Variants in RGS3 observed in about 807,000 individuals in gnomAD.
The protein encoded by RGS3 is regulator of G-protein signalling 3.
In RGS3, 80 loss-of-function variants were observed where a neutral mutation model predicts 132.6. The observed-to-expected ratio is 0.60, with a 90% CI of 0.50 to 0.73. The LOEUF (loss-of-function observed/expected upper bound fraction) is 0.73. Among genes scored for constraint, RGS3 ranks in the 30% least tolerant of loss-of-function variants. The probability of loss-of-function intolerance (pLI) is 0.00; values close to 1 mark genes in which losing one functional copy is unlikely to be tolerated. For synonymous variants in RGS3, 598 were observed against 620.6 expected, an observed-to-expected ratio of 0.96 and a Z score of 0.54; for missense variants, 1,382 against 1,530.8, an observed-to-expected ratio of 0.90 and a Z score of 1.62.
At position 113,583,447 on chromosome 9, in the gene RGS3, C is replaced by T. The variant is rs373527667; in HGVS notation, c.2038-3C>T. The T allele has an allele frequency of 2.0e-5, 32 of 1,613,802 alleles. No individual in the cohort carries two copies. The African/African-American group carries it at 4.0e-4, about 20-fold the overall frequency. On this transcript the variant is annotated splice_region_variant and splice_polypyrimidine_tract_variant and intron_variant, in intron 19 of 24. Coordinates refer to ENST00000350696, the Ensembl canonical transcript of RGS3. Reference sequence around the variant, plus strand: ...CTGTTCTTGTTTTCTTTTTGTTTCCCAGATGTTTGAGACGGAGGCAGATGA... The same window carrying T: ...CTGTTCTTGTTTTCTTTTTGTTTCCTAGATGTTTGAGACGGAGGCAGATGA...
chr9:113,480,242 C>T (rs7867203), intron 4 of RGS3, among the ~76,000 whole-genome samples: 7 of 151,834 alleles, frequency 4.6e-5, no homozygotes, highest in South Asian at 2.1e-4. Context: ...GCAGATCACG[C>T]GGTCAGGAGT....
In RGS3 at chr9:113,593,788, A is replaced by G. The variant is rs949022156; in HGVS notation, c.3081-642A>G. ...TGCCTCCTTGGGGACCGGCAAGGCT[A>G]AAAATGGTTCTTGGCTAAAAATAGC... is the stretch of plus-strand genomic sequence containing the variant. On this transcript the variant is annotated intron_variant, in intron 21 of 24. Coordinates refer to ENST00000350696, the Ensembl canonical transcript of RGS3. 9.2e-6 allele frequency: 8 copies of G among 868,204 alleles called. No individual in the cohort carries two copies. The Admixed American group carries it at 1.5e-4, about 16-fold the overall frequency. 53.8% of individuals were successfully genotyped at this position (868,204 alleles called of 1,614,324 possible). A position where few individuals can be genotyped will look rare whatever the true frequency, so the allele number is the denominator to read the frequency against.
At chr9:113,481,228 T>G (rs556793281) in intron 4 of RGS3, among the ~76,000 whole-genome samples, 1 of 152,332 alleles carries the variant, frequency 6.6e-6, no homozygotes, top group South Asian at 2.1e-4. Flanking sequence ...GTTTATTGCT[T>G]TCTCCTTTGT....
exon 16 of RGS3, chr9:113,517,613 A>G: frequency 6.2e-7 from 1 of 1,613,416 alleles, no homozygotes; most frequent in Non-Finnish European, 8.5e-7. Flanking sequence ...AGGGAGGAAC[A>G]AGGCTGCCGA....
rs1351946796 is a variant in RGS3, at chr9:113,591,122, C to G, written c.3016-211C>G. 2.6e-5 allele frequency among the ~76,000 whole-genome samples: 4 copies of G among 152,186 alleles called. No homozygotes were observed. The highest frequency in any genetic ancestry group is 4.4e-5 in the Non-Finnish European group (3 of 68,024). Reference sequence around the variant, plus strand: ...GACCTGACTGTCCCAGGAGGAGATCCCTGTGGCCGGAGAGTCTGCCAGGCC... The same window carrying G: ...GACCTGACTGTCCCAGGAGGAGATCGCTGTGGCCGGAGAGTCTGCCAGGCC... On this transcript the variant is annotated intron_variant, in intron 20 of 24. Transcript: ENST00000350696. This position sits in a 1 kb window ranked among gnomAD's most constrained non-coding sequence, Gnocchi z 4.4.
intron 14 of RGS3, among the ~76,000 whole-genome samples, chr9:113,512,448 C>T (rs1446979171): frequency 6.6e-6 from 1 of 152,138 alleles, no homozygotes; most frequent in Non-Finnish European, 1.5e-5. Context: ...GGTTTGAGCG[C>T]TGCCCCCAGA....
intron 14 of RGS3, among the ~76,000 whole-genome samples, chr9:113,514,249 G>A (rs1044201272): frequency 5.9e-5 from 9 of 152,178 alleles, no homozygotes; most frequent in Non-Finnish European, 8.8e-5. Flanking sequence ...ACGTGTCAAC[G>A]TCTCTCACTA....
chr9:113,506,535 G>A lies in RGS3; in HGVS notation c.1085+42G>A. 1.5e-6 allele frequency: 2 copies of A among 1,341,048 alleles called. No individual in the cohort carries two copies. The highest frequency in any genetic ancestry group is 2.1e-6 in the Non-Finnish European group (2 of 954,192). The allele number at this position is 1,341,048 out of a possible 1,614,324, so 83.1% of individuals were successfully genotyped here. On this transcript the variant is annotated intron_variant, in intron 12 of 24. Transcript: ENST00000350696. The surrounding 1 kb of genome is among the most constrained non-coding windows in gnomAD (Gnocchi z 4.7). ...GGTGGCCTGGGGCCTCAGGCTGATG[G>A]CACACCCTCCCCACCCCTGGGCACA...
chr9:113,461,921 C>T, intron 2 of RGS3: 2 of 1,595,392 alleles, frequency 1.3e-6, no homozygotes, highest in Non-Finnish European at 1.7e-6. Flanking sequence ...TTTGCTGTTT[C>T]CTGAACACCA....
At chr9:113,532,235 C>G (rs1268386075) in intron 18 of RGS3, among the ~76,000 whole-genome samples, 1 of 152,184 alleles carries the variant, frequency 6.6e-6, no homozygotes, top group African/African-American at 2.4e-5. Flanking sequence ...CGAGTTGGAT[C>G]ACACCCTGGA....
At chr9:113,593,637 C>T (rs998777229) in intron 21 of RGS3, 24 of 433,390 alleles carry the variant, frequency 5.5e-5, no homozygotes, top group Admixed American at 4.5e-4. Context: ...GCTGAGAGGC[C>T]GGCTGGCAGG....
chr9:113,486,180 G>A (rs1323237752), intron 7 of RGS3, among the ~76,000 whole-genome samples: 4 of 152,224 alleles, frequency 2.6e-5, no homozygotes, highest in African/African-American at 9.6e-5. Flanking sequence ...AGTAATAAAG[G>A]CCATCAGTAT....
chr9:113,592,989 C>G (rs1478453118), intron 21 of RGS3: 1 of 152,172 alleles, frequency 6.6e-6, no homozygotes, highest in African/African-American at 2.4e-5. Flanking sequence ...CGTGAATAAA[C>G]TACTGTGCAA....
In RGS3 at chr9:113,506,511, G is replaced by A. The variant is rs749243231; in HGVS notation, c.1085+18G>A. 1.4e-5 allele frequency: 21 copies of A among 1,537,700 alleles called. No individual in the cohort carries two copies. Among genetic ancestry groups the A allele is most frequent in the Non-Finnish European group, 1.8e-5 (20 of 1,128,504 alleles). On this transcript the variant is annotated intron_variant, in intron 12 of 24. Coordinates refer to ENST00000350696, the Ensembl canonical transcript of RGS3. The surrounding 1 kb of genome is among the most constrained non-coding windows in gnomAD (Gnocchi z 4.7). Reference sequence around the variant, plus strand: ...GAGATCCGGTGACAGGGGACAGCGGGTGGCCTGGGGCCTCAGGCTGATGGC... The same window carrying A: ...GAGATCCGGTGACAGGGGACAGCGGATGGCCTGGGGCCTCAGGCTGATGGC...
At chr9:113,569,028 G>T (rs1834135246) in intron 19 of RGS3, among the ~76,000 whole-genome samples, 1 of 152,222 alleles carries the variant, frequency 6.6e-6, no homozygotes, top group Non-Finnish European at 1.5e-5. Flanking sequence ...TGTGTGGATA[G>T]CTGCCAGGTA....
At chr9:113,501,341 T>C in intron 10 of RGS3, 2 of 1,197,814 alleles carry the variant, frequency 1.7e-6, no homozygotes, top group Non-Finnish European at 2.2e-6. Flanking sequence ...GGAATTTTAA[T>C]ATAAAACTCT....
chr9:113,560,246 G>A (rs1193546474), intron 19 of RGS3, among the ~76,000 whole-genome samples: 1 of 152,172 alleles, frequency 6.6e-6, no homozygotes, highest in Admixed American at 6.5e-5. Flanking sequence ...AGAGATGGAG[G>A]ACTGAGATCA....
intron 24 of RGS3, 44 bp downstream of exon 22, chr9:113,595,809 C>T (rs1400603601): frequency 6.3e-7 from 1 of 1,591,058 alleles, no homozygotes; most frequent in Admixed American, 1.7e-5. Flanking sequence ...ATCCCCAGGG[C>T]CCAGTGGCCC....
At chr9:113,589,484 C>T (rs1835298456) in intron 20 of RGS3, among the ~76,000 whole-genome samples, 2 of 152,228 alleles carry the variant, frequency 1.3e-5, no homozygotes, top group East Asian at 1.9e-4. Flanking sequence ...CTCTCCTCCC[C>T]ACAGTGGAAG....
Sources: allele counts gnomAD v4.1 joint callset (sites outside exome capture counted in the v4.1 genomes callset), GRCh38; gene constraint gnomAD v4.1.1; non-coding constraint Gnocchi (gnomAD v3.1); transcripts MANE v1.5; gene names NCBI Gene and HGNC (gene_info 2026-07-23, HGNC 2026-07-21).